The following MANBA variants were observed in gnomAD, a reference collection of about 807,000 sequenced individuals.
The protein encoded by MANBA is mannosidase beta.
MANBA carries 83 observed loss-of-function variants against 111.1 expected under a neutral mutation model. That is an observed-to-expected ratio of 0.75 (90% CI 0.63 to 0.90). The LOEUF is 0.90. MANBA is among the 40% of genes least tolerant of loss of function. The probability of loss-of-function intolerance (pLI) is 0.00; values close to 1 mark genes in which losing one functional copy is unlikely to be tolerated. For synonymous variants in MANBA, 370 were observed against 378.7 expected (o/e 0.98, Z 0.27); for missense variants, 1,036 against 1,069.0 (o/e 0.97, Z 0.43).
chr4:102,672,636 A>G (rs1397865240), intron 8 of MANBA, among the ~76,000 whole-genome samples: 1 of 152,254 alleles, frequency 6.6e-6, no homozygotes, highest in African/African-American at 2.4e-5. Context: ...GGACTGGACC[A>G]TGGATCAGGT....
At chr4:102,647,801 T>C (rs1442199033) in intron 13 of MANBA, among the ~76,000 whole-genome samples, 1 of 152,140 alleles carries the variant, frequency 6.6e-6, no homozygotes, top group East Asian at 1.9e-4. Flanking sequence ...CATCACCTTC[T>C]AAAAAAGATT....
intron 9 of MANBA, chr4:102,670,988 T>C: frequency 4.8e-6 from 1 of 208,236 alleles, no homozygotes; most frequent in South Asian, 9.4e-5. Flanking sequence ...GTTTTAAATA[T>C]TTTGTTTTCT....
intron 5 of MANBA, among the ~76,000 whole-genome samples, chr4:102,698,276 G>A (rs1431893429): frequency 6.6e-6 from 1 of 151,962 alleles, no homozygotes; most frequent in African/African-American, 2.4e-5. Context: ...AGACGAGTAG[G>A]TTGTGAAAAT....
chr4:102,726,491 A>C (rs1722806996), intron 2 of MANBA, 98 bp downstream of exon 2: 3 of 737,458 alleles, frequency 4.1e-6, no homozygotes, highest in Non-Finnish European at 7.0e-6. Flanking sequence ...AAAACATACA[A>C]AACAAAAAAA....
At chr4:102,671,530 G>T in intron 8 of MANBA, 132 bp from the exon 9 acceptor site, 1 of 672,604 alleles carries the variant, frequency 1.5e-6, no homozygotes, top group Non-Finnish European at 2.7e-6. Flanking sequence ...GTAAATTAAA[G>T]AAAGTAAGAT....
At chr4:102,675,598 C>T (rs1450928176) in intron 7 of MANBA, among the ~76,000 whole-genome samples, 2 of 152,126 alleles carry the variant, frequency 1.3e-5, no homozygotes, top group African/African-American at 4.8e-5. Context: ...CTACTTATTC[C>T]TTTGTTTCAC....
At chr4:102,756,797 TAAAAAAAAAAA>T (rs35787338) in intron 1 of MANBA, among the ~76,000 whole-genome samples, 149 of 72,002 alleles carry the variant, frequency 2.1e-3, no homozygotes, top group Non-Finnish European at 3.6e-3. Context: ...AGAGACTATC[TAAAAAAAAAAA>T]AAAAAAAAAA....
chr4:102,651,281 ATG>A lies in MANBA; in HGVS notation c.1705-582_1705-581del, dbSNP rs1168703759. Reference sequence around the variant, plus strand: ...TATAGTTGAAGACACAAACCAAATAATGTTACTTCTCTCCCCTAAAAAATCAA... The same window carrying A: ...TATAGTTGAAGACACAAACCAAATAATTACTTCTCTCCCCTAAAAAATCAA... On this transcript the variant is annotated intron_variant, in intron 12 of 16. Transcript: ENST00000647097. Among the ~76,000 whole-genome samples, 7 of 152,078 alleles carry A rather than the reference ATG, an allele frequency of 4.6e-5. No homozygotes were observed. The East Asian group carries it at 1.3e-3, about 29-fold the overall frequency.
intron 7 of MANBA, among the ~76,000 whole-genome samples, chr4:102,680,214 C>T (rs1010440498): frequency 6.6e-6 from 1 of 152,134 alleles, no homozygotes; most frequent in Non-Finnish European, 1.5e-5. Flanking sequence ...ATAGGCTTCA[C>T]CAAAATTTCT....
intron 1 of MANBA, among the ~76,000 whole-genome samples, chr4:102,731,325 C>T (rs1723026989): frequency 6.6e-6 from 1 of 152,172 alleles, no homozygotes; most frequent in South Asian, 2.1e-4. Context: ...CTGTTTGCGC[C>T]ACTATCCCAG....
intron 7 of MANBA, among the ~76,000 whole-genome samples, chr4:102,680,265 T>G (rs1010575588): frequency 6.6e-6 from 1 of 152,238 alleles, no homozygotes; most frequent in African/African-American, 2.4e-5. Flanking sequence ...GTTTGGTATT[T>G]CACTGTACAT....
chr4:102,669,897 G>A (rs184381213), intron 9 of MANBA, among the ~76,000 whole-genome samples: 3,367 of 151,858 alleles, frequency 0.022, 99 homozygotes, highest in African/African-American at 0.074. Flanking sequence ...GGAGAATGGC[G>A]TGAACCCAGG....
At chr4:102,714,675 G>T in intron 4 of MANBA, 114 bp from the exon 5 acceptor site, 3 of 1,030,612 alleles carry the variant, frequency 2.9e-6, no homozygotes, top group Non-Finnish European at 4.4e-6. Flanking sequence ...TGCTATGGCA[G>T]CCATAACAAA....
chr4:102,705,415 C>G (rs1733253140), intron 5 of MANBA, among the ~76,000 whole-genome samples: 1 of 152,172 alleles, frequency 6.6e-6, no homozygotes, highest in Admixed American at 6.5e-5. Context: ...TCTCCACATT[C>G]CTGGAGACTT....
At chr4:102,666,224 T>A (rs1731214034) in intron 10 of MANBA, 2 of 152,250 alleles carry the variant, frequency 1.3e-5, no homozygotes, top group Non-Finnish European at 2.9e-5. Flanking sequence ...TCTCCTTATC[T>A]TTAATAATGC....
intron 3 of MANBA, 29 bp from the exon 4 acceptor site, chr4:102,723,070 CCAT>C (rs1722651514): frequency 1.2e-6 from 2 of 1,600,264 alleles, no homozygotes; most frequent in African/African-American, 2.7e-5. Flanking sequence ...TCAGACAAAC[CCAT>C]GATGTGGAAG....
chr4:102,759,253 C>A (rs1177264591), intron 1 of MANBA, among the ~76,000 whole-genome samples: 1 of 151,464 alleles, frequency 6.6e-6, no homozygotes, highest in Admixed American at 6.6e-5. Context: ...GTTGGCCATG[C>A]TGGTCTTGAA....
At chr4:102,678,166 T>C (rs1195763895) in intron 7 of MANBA, among the ~76,000 whole-genome samples, 1 of 152,206 alleles carries the variant, frequency 6.6e-6, no homozygotes, top group Non-Finnish European at 1.5e-5. Flanking sequence ...GTGCAAATGT[T>C]CTTATAAAAA....
At chr4:102,659,885 A>T (rs1160597995) in intron 11 of MANBA, among the ~76,000 whole-genome samples, 1 of 151,608 alleles carries the variant, frequency 6.6e-6, no homozygotes. Context: ...GTTTCCCCCA[A>T]CCTTCCTGAT....
Sources: allele counts gnomAD v4.1 joint callset (sites outside exome capture counted in the v4.1 genomes callset), GRCh38; gene constraint gnomAD v4.1.1; transcripts MANE v1.5; gene names NCBI Gene and HGNC (gene_info 2026-07-23, HGNC 2026-07-21).